Variants in CFAP161 observed in about 807,000 individuals in gnomAD.
The protein encoded by CFAP161 is cilia and flagella associated protein 161.
A neutral mutation model predicts 29.0 loss-of-function variants in CFAP161; 25 were observed. The ratio of observed to expected loss-of-function variants is 0.86; its 90% CI spans 0.63 to 1.20. The LOEUF (loss-of-function observed/expected upper bound fraction) is 1.20, where lower values mean the gene tolerates loss of function less well. Ranked by LOEUF, CFAP161 falls within the 50% of genes most tolerant of loss-of-function variation. The pLI is 0.00. For missense variants in CFAP161, 367 were observed against 371.9 expected, an observed-to-expected ratio of 0.99 and a Z score of 0.11; for synonymous variants, 116 against 137.4, an observed-to-expected ratio of 0.84 and a Z score of 1.09.
At position 81,110,640 on chromosome 15, in the gene CFAP161, T is replaced by TAACAGGGCCCACCCTCCTC. The variant is rs550027261; in HGVS notation, c.-141-16949_-141-16948insACAGGGCCCACCCTCCTCA. ...TTAACTACAAAAGGGTTTCCCTTTT[T>TAACAGGGCCCACCCTCCTC]AGAAGCCAGTGGAGAAAGTAAATAG... On this transcript the variant is annotated intron_variant, in intron 1 of 4. Coordinates refer to the CFAP161 transcript ENST00000560091. 1.5e-3 allele frequency among the ~76,000 whole-genome samples: 230 copies of TAACAGGGCCCACCCTCCTC among 152,294 alleles called. 1 individual carries two copies. The highest frequency in any genetic ancestry group is 5.0e-3 in the African/African-American group (208 of 41,570).
At chr15:81,106,488 T>A (rs1894374848) in intron 1 of CFAP161, among the ~76,000 whole-genome samples, 1 of 152,160 alleles carries the variant, frequency 6.6e-6, no homozygotes, top group South Asian at 2.1e-4. Context: ...ACCTCGGTGT[T>A]TATTACAGTG....
At chr15:81,137,945 T>C in intron 3 of CFAP161, 106 bp from the exon 4 acceptor site, 1 of 718,096 alleles carries the variant, frequency 1.4e-6, no homozygotes, top group Non-Finnish European at 2.2e-6. Context: ...ATATAAATTA[T>C]CAAAAAACTG....
At chr15:81,134,183 C>T, upstream of CFAP161, 3 of 916,594 alleles carry the variant, frequency 3.3e-6, no homozygotes, top group Admixed American at 2.7e-5. Flanking sequence ...CCCCATCTCC[C>T]GCCCCAGGGC....
chr15:81,125,278 G>A (rs963472570), intron 1 of CFAP161, among the ~76,000 whole-genome samples: 4 of 151,960 alleles, frequency 2.6e-5, no homozygotes, highest in African/African-American at 9.7e-5. Flanking sequence ...CCTGTATTAG[G>A]TATTTAAATG....
At chr15:81,105,869 T>C (rs11855076) in intron 1 of CFAP161, among the ~76,000 whole-genome samples, 1 of 151,824 alleles carries the variant, frequency 6.6e-6, no homozygotes, top group East Asian at 1.9e-4. Context: ...GTCCCAGGAG[T>C]GTGAAAAAGA....
In CFAP161 at chr15:81,104,308, G is replaced by A. The variant is rs193034117; in HGVS notation, c.-141-23282G>A. Reference sequence around the variant, plus strand: ...GAGCTTTTAGCCAACTTCAGTTTTCGCCTTCAATTTTCCCTCTAGTGCAGT... The same window carrying A: ...GAGCTTTTAGCCAACTTCAGTTTTCACCTTCAATTTTCCCTCTAGTGCAGT... On this transcript the variant is annotated intron_variant, in intron 1 of 4. Coordinates refer to the CFAP161 transcript ENST00000560091. Among the ~76,000 whole-genome samples the A allele has an allele frequency of 3.9e-5, 6 of 152,296 alleles. No homozygotes were observed. In the East Asian group the frequency reaches 1.2e-3, roughly 29 times the overall value.
At chr15:81,146,272 T>TA (rs1652126352) in intron 5 of CFAP161, among the ~76,000 whole-genome samples, 1 of 152,182 alleles carries the variant, frequency 6.6e-6, no homozygotes, top group Non-Finnish European at 1.5e-5. Context: ...GCTTTTAACT[T>TA]ACATGAGTCA....
intron 6 of CFAP161, 137 bp downstream of exon 6, chr15:81,148,068 C>A: frequency 1.4e-6 from 1 of 740,630 alleles, no homozygotes; most frequent in Non-Finnish European, 2.2e-6. Flanking sequence ...CCACATAGAA[C>A]TTCAATGGTG....
At chr15:81,115,849 A>ATTTT (rs59925511) in intron 1 of CFAP161, among the ~76,000 whole-genome samples, 12,954 of 138,526 alleles carry the variant, frequency 0.094, 648 homozygotes, top group East Asian at 0.15. Flanking sequence ...TAGCTAATTA[A>ATTTT]TTTTTTTTTT....
chr15:81,146,912 T>G (rs1895018801), intron 5 of CFAP161, among the ~76,000 whole-genome samples: 1 of 132,114 alleles, frequency 7.6e-6, no homozygotes, highest in Non-Finnish European at 1.6e-5. Flanking sequence ...CCCTCACAAT[T>G]TGCCCACAAG....
intron 1 of CFAP161, among the ~76,000 whole-genome samples, chr15:81,120,669 C>A (rs1426949013): frequency 1.3e-5 from 2 of 152,208 alleles, no homozygotes; most frequent in Admixed American, 1.3e-4. Context: ...CAGAGCCAAG[C>A]AAAAAGATAC....
At chr15:81,145,576 A>G (rs1006544471) in intron 5 of CFAP161, among the ~76,000 whole-genome samples, 1 of 152,194 alleles carries the variant, frequency 6.6e-6, no homozygotes, top group African/African-American at 2.4e-5. Context: ...TCCAGGCACC[A>G]GGAGTTCTTT....
intron 1 of CFAP161, among the ~76,000 whole-genome samples, chr15:81,124,393 T>A (rs1595913000): frequency 1.3e-5 from 2 of 152,218 alleles, no homozygotes; most frequent in South Asian, 4.1e-4. Flanking sequence ...GCCTTTGATA[T>A]GCTGCTGGAT....
chr15:81,131,413 A>G (rs1894709654), upstream of CFAP161, among the ~76,000 whole-genome samples: 1 of 152,170 alleles, frequency 6.6e-6, no homozygotes, highest in Admixed American at 6.5e-5. Flanking sequence ...ACTAAGGGAT[A>G]CCATGATTAA....
At chr15:81,126,705 G>A (rs1894645787) in intron 1 of CFAP161, among the ~76,000 whole-genome samples, 1 of 152,100 alleles carries the variant, frequency 6.6e-6, no homozygotes, top group African/African-American at 2.4e-5. Flanking sequence ...TTATTAATTT[G>A]TCAGTTAAGT....
chr15:81,141,156 A>G lies in CFAP161; in HGVS notation c.478-2506A>G, dbSNP rs563803711. Reference sequence around the variant, plus strand: ...AATTCACATATTTAGTAACTTTGCCATATTTATTCTTCTGAGATGTCTCTC... The same window carrying G: ...AATTCACATATTTAGTAACTTTGCCGTATTTATTCTTCTGAGATGTCTCTC... On this transcript the variant is annotated intron_variant, in intron 4 of 6. Coordinates refer to ENST00000286732, the MANE Select transcript of CFAP161 (RefSeq NM_173528.4). Among the ~76,000 whole-genome samples, 12 of 152,352 alleles carry G rather than the reference A, an allele frequency of 7.9e-5. No individual in the cohort carries two copies. In the South Asian group the frequency reaches 2.1e-3, roughly 26 times the overall value.
chr15:81,145,503 A>G (rs1894991186), intron 5 of CFAP161, among the ~76,000 whole-genome samples: 1 of 152,080 alleles, frequency 6.6e-6, no homozygotes, highest in South Asian at 2.1e-4. Context: ...TGTTGTCATG[A>G]CTGTTGTTGT....
At position 81,136,674 on chromosome 15, in the gene CFAP161, A is replaced by G; in HGVS notation, c.318A>G (p.Glu106=). ...PDEIQSHLKD[E]LEVPCGLSAV... is the part of the protein sequence containing the mutation. ...AAATTCAGTCCCATCTGAAAGACGA[A>G]TTAGAGGTACCCTGTGGCCTGAGCG... Residue 106 remains glutamate (E), a synonymous_variant, in exon 3 of 7, where the codon GAA becomes GAG. Coordinates refer to ENST00000286732, the MANE Select transcript of CFAP161 (RefSeq NM_173528.4). 1 of 1,614,208 alleles carries G rather than the reference A, an allele frequency of 6.2e-7. No homozygotes were observed. The highest frequency in any genetic ancestry group is 1.3e-5 in the African/African-American group (1 of 75,046).
intron 1 of CFAP161, among the ~76,000 whole-genome samples, chr15:81,123,920 A>G (rs1168457785): frequency 6.6e-6 from 1 of 152,184 alleles, no homozygotes; most frequent in Non-Finnish European, 1.5e-5. Context: ...GTTGATTATA[A>G]GCTTAAGAGG....
Sources: allele counts gnomAD v4.1 joint callset (sites outside exome capture counted in the v4.1 genomes callset), GRCh38; gene constraint gnomAD v4.1.1; transcripts MANE v1.5; gene names NCBI Gene and HGNC (gene_info 2026-07-23, HGNC 2026-07-21).